Variants in AP3B1 observed in about 807,000 individuals in gnomAD.
AP3B1 encodes AP-3 complex subunit beta-1.
A neutral mutation model predicts 132.5 loss-of-function variants in AP3B1; 61 were observed. The observed-to-expected ratio is 0.46, with a 90% CI of 0.37 to 0.57. The LOEUF is 0.57. Among genes scored for constraint, AP3B1 ranks in the 20% least tolerant of loss-of-function variants. AP3B1 has a pLI of 0.00. For missense variants in AP3B1, 1,120 were observed against 1,289.4 expected, an observed-to-expected ratio of 0.87 and a Z score of 2.01; for synonymous variants, 388 against 438.3, an observed-to-expected ratio of 0.89 and a Z score of 1.43.
chr5:78,088,615 C>T (rs924641851), intron 22 of AP3B1, among the ~76,000 whole-genome samples: 1 of 152,146 alleles, frequency 6.6e-6, no homozygotes, highest in African/African-American at 2.4e-5. Context: ...AGTACCCTGC[C>T]AGCCCTGAGA....
At chr5:78,169,257 T>G (rs572718945) in intron 11 of AP3B1, among the ~76,000 whole-genome samples, 1 of 152,012 alleles carries the variant, frequency 6.6e-6, no homozygotes. Context: ...TGAATTATGT[T>G]TTTCACCTAC....
intron 15 of AP3B1, among the ~76,000 whole-genome samples, chr5:78,138,750 T>C (rs570449988): frequency 2.0e-4 from 30 of 151,954 alleles, no homozygotes; most frequent in Non-Finnish European, 2.1e-4. Context: ...GGTGAGCAGA[T>C]CACTTGAGGT....
intron 5 of AP3B1, among the ~76,000 whole-genome samples, chr5:78,226,058 T>A (rs1746387365): frequency 6.6e-6 from 1 of 152,072 alleles, no homozygotes; most frequent in South Asian, 2.1e-4. Flanking sequence ...GAGACATGCA[T>A]TATAAAATCT....
intron 1 of AP3B1, among the ~76,000 whole-genome samples, chr5:78,284,423 T>A (rs1228004860): frequency 6.6e-6 from 1 of 152,186 alleles, no homozygotes; most frequent in African/African-American, 2.4e-5. Flanking sequence ...TTAAATCCTC[T>A]AGTGGAGCTA....
At chr5:78,039,901 C>T (rs1358186642) in intron 22 of AP3B1, among the ~76,000 whole-genome samples, 3 of 133,574 alleles carry the variant, frequency 2.2e-5, no homozygotes, top group Non-Finnish European at 4.8e-5. Flanking sequence ...GATTTATAAA[C>T]TTTTTTGTTA....
chr5:78,096,494 C>T (rs1192790940), intron 21 of AP3B1, among the ~76,000 whole-genome samples: 1 of 149,924 alleles, frequency 6.7e-6, no homozygotes, highest in Non-Finnish European at 1.5e-5. Flanking sequence ...GTGAGGAGCC[C>T]CTCTGCCTGG....
At position 78,003,050 on chromosome 5, in the gene AP3B1, G is replaced by A; in HGVS notation, c.3137C>T (p.Ala1046Val). The A allele has an allele frequency of 2.5e-6, 4 of 1,614,102 alleles. No individual in the cohort carries two copies. The highest frequency in any genetic ancestry group is 3.4e-6 in the Non-Finnish European group (4 of 1,180,000). The change falls in exon 27 of 27, where the codon GCA becomes GTA. Residue 1046 changes from alanine (A) to valine (V), a missense_variant. Transcript: ENST00000255194. ...PSGQDNIHRF[A>V]AKTVHSGSLM... ...TGACCCACTGTGCACAGTTTTAGCT[G>A]CAAACCTGGAAGAGAAAAAAGAGAG... is the stretch of plus-strand genomic sequence containing the variant.
intron 7 of AP3B1, among the ~76,000 whole-genome samples, chr5:78,191,929 C>T (rs1251945260): frequency 2.0e-5 from 3 of 152,030 alleles, no homozygotes; most frequent in African/African-American, 4.8e-5. Flanking sequence ...GGCGCGATCT[C>T]GGCTCACTGC....
intron 17 of AP3B1, among the ~76,000 whole-genome samples, chr5:78,119,280 T>C (rs1201277870): frequency 6.6e-6 from 1 of 151,980 alleles, no homozygotes; most frequent in Non-Finnish European, 1.5e-5. Flanking sequence ...AAAAGCAGAG[T>C]GCCTCTCCTC....
chr5:78,176,372 A>G (rs527648582), intron 9 of AP3B1, among the ~76,000 whole-genome samples: 2 of 152,292 alleles, frequency 1.3e-5, no homozygotes, highest in South Asian at 4.1e-4. Flanking sequence ...GAACTAGCAA[A>G]AGAGAAAAAT....
intron 7 of AP3B1, 143 bp from the exon 8 acceptor site, chr5:78,181,805 C>A: frequency 1.5e-6 from 1 of 683,580 alleles, no homozygotes; most frequent in Non-Finnish European, 2.5e-6. Context: ...AAAAATATTA[C>A]ACAACCTATA....
intron 6 of AP3B1, among the ~76,000 whole-genome samples, chr5:78,219,338 T>C (rs1472383447): frequency 2.6e-5 from 4 of 152,076 alleles, no homozygotes; most frequent in Non-Finnish European, 5.9e-5. Context: ...CAAATATGGA[T>C]TGCTACATTT....
intron 22 of AP3B1, among the ~76,000 whole-genome samples, chr5:78,047,777 T>C (rs1180025666): frequency 1.3e-5 from 2 of 152,232 alleles, no homozygotes; most frequent in Admixed American, 1.3e-4. Context: ...GCTACTTCTA[T>C]TGCTTTAACA....
At chr5:78,102,427 C>T (rs3776928) in intron 20 of AP3B1, among the ~76,000 whole-genome samples, 5,321 of 152,206 alleles carry the variant, frequency 0.035, 194 homozygotes, top group East Asian at 0.14. Flanking sequence ...GAACACTCCA[C>T]ATCATCTAGT....
intron 2 of AP3B1, among the ~76,000 whole-genome samples, chr5:78,251,809 G>C (rs975784452): frequency 6.6e-6 from 1 of 152,222 alleles, no homozygotes; most frequent in Non-Finnish European, 1.5e-5. Context: ...TAGGCCTAGA[G>C]ACAATGGAGG....
chr5:78,045,584 TATATTA>T (rs943950272), intron 22 of AP3B1, among the ~76,000 whole-genome samples: 10 of 152,282 alleles, frequency 6.6e-5, no homozygotes, highest in South Asian at 4.1e-4. Context: ...AATCCAGTGT[TATATTA>T]ATATTAACAT....
intron 21 of AP3B1, among the ~76,000 whole-genome samples, chr5:78,100,238 A>AACTC (rs1326278625): frequency 6.6e-6 from 1 of 152,206 alleles, no homozygotes; most frequent in Non-Finnish European, 1.5e-5. Context: ...CCTAAAACAT[A>AACTC]ACTCACTCTC....
chr5:78,116,678 C>A (rs1231275632), intron 17 of AP3B1, among the ~76,000 whole-genome samples: 2 of 151,826 alleles, frequency 1.3e-5, no homozygotes, highest in African/African-American at 4.8e-5. Flanking sequence ...ACCATCTCAA[C>A]AGCCTAAATC....
At chr5:78,086,421 G>A (rs909407566) in intron 22 of AP3B1, among the ~76,000 whole-genome samples, 2 of 152,162 alleles carry the variant, frequency 1.3e-5, no homozygotes, top group Non-Finnish European at 2.9e-5. Flanking sequence ...CTATGAGGTA[G>A]GTAGCATGAT....
Sources: allele counts gnomAD v4.1 joint callset (sites outside exome capture counted in the v4.1 genomes callset), GRCh38; gene constraint gnomAD v4.1.1; transcripts MANE v1.5; gene names NCBI Gene and HGNC (gene_info 2026-07-23, HGNC 2026-07-21).